The following MRPL45 variants were observed in gnomAD, a reference collection of about 807,000 sequenced individuals.
The protein encoded by MRPL45 is large ribosomal subunit protein mL45.
Under a neutral mutation model 38.1 loss-of-function variants are expected in MRPL45, and 20 were observed. The ratio of observed to expected loss-of-function variants is 0.53; its 90% CI spans 0.37 to 0.76. The LOEUF (loss-of-function observed/expected upper bound fraction) is 0.76. Ranked by LOEUF, MRPL45 falls within the 30% of genes least tolerant of loss-of-function variation. MRPL45 has a pLI of 0.00. For synonymous variants in MRPL45, 105 were observed against 128.8 expected (o/e 0.82, Z 1.25); for missense variants, 337 against 395.6 (o/e 0.85, Z 1.26).
At chr17:38,318,766 G>A in intron 5 of MRPL45, 31 bp downstream of exon 5, 1 of 1,503,826 alleles carries the variant, frequency 6.6e-7, no homozygotes, top group Non-Finnish European at 9.2e-7. Context: ...GAACTGTGGG[G>A]TGACTGAGTG....
chr17:38,304,111 C>T (rs1036067140), intron 3 of MRPL45, among the ~76,000 whole-genome samples: 10 of 152,146 alleles, frequency 6.6e-5, no homozygotes, highest in African/African-American at 2.4e-4. Context: ...TTTATTCTCC[C>T]ACTTCATTTA....
chr17:38,320,797 C>CT (rs1567719271), intron 6 of MRPL45, 30 bp downstream of exon 6: 54 of 1,610,902 alleles, frequency 3.4e-5, no homozygotes, highest in Non-Finnish European at 4.2e-5. Flanking sequence ...TTCCTCCCAG[C>CT]TTTTTTTCAC....
At chr17:38,312,156 C>T (rs1164435310) in intron 4 of MRPL45, among the ~76,000 whole-genome samples, 3 of 151,294 alleles carry the variant, frequency 2.0e-5, no homozygotes, top group African/African-American at 7.3e-5. Context: ...AAGCGATTCT[C>T]CAGCCTCAGC....
chr17:38,303,726 C>CTTCT (rs2037023459), intron 3 of MRPL45, among the ~76,000 whole-genome samples: 1 of 150,608 alleles, frequency 6.6e-6, no homozygotes, highest in Non-Finnish European at 1.5e-5. Flanking sequence ...TTGCCTCCGT[C>CTTCT]TTCTTTTCTT....
In MRPL45 at chr17:38,297,200, C is replaced by T; in HGVS notation, c.17C>T (p.Pro6Leu). 1.2e-6 allele frequency: 2 copies of T among 1,614,248 alleles called. No homozygotes were observed. The highest frequency in any genetic ancestry group is 1.7e-6 in the Non-Finnish European group (2 of 1,180,046). The change falls in exon 1 of 8, where the codon CCT (proline) becomes CTT (leucine). Residue 6 changes from proline to leucine, a missense_variant. Transcript: ENST00000613675. Reference protein sequence around the residue: MAAPIPQGFSCLSRFL... With the variant: MAAPILQGFSCLSRFL... The stretch of plus-strand genomic sequence containing the variant: ...GGGAACAAGATGGCAGCCCCCATAC[C>T]TCAAGGGTTCTCTTGTTTATCGAGG...
chr17:38,301,322 A>G lies in MRPL45; in HGVS notation c.362+1854A>G, dbSNP rs2036993224. Among the ~76,000 whole-genome samples, 3 of 151,588 alleles carry G rather than the reference A, an allele frequency of 2.0e-5. No individual in the cohort carries two copies. In the South Asian group the frequency reaches 6.3e-4, roughly 32 times the overall value. ...AGTGGTGCAATCTCGGCTCACCACAACCTCTGCCTTCTGGGTTGAAGCGAT... is the reference window on the plus strand; with the variant it reads ...AGTGGTGCAATCTCGGCTCACCACAGCCTCTGCCTTCTGGGTTGAAGCGAT... On this transcript the variant is annotated intron_variant, in intron 3 of 7. Transcript: ENST00000613675.
intron 4 of MRPL45, among the ~76,000 whole-genome samples, chr17:38,315,059 T>C (rs1177360818): frequency 2.0e-5 from 3 of 152,260 alleles, no homozygotes; most frequent in Non-Finnish European, 4.4e-5. Context: ...ATTTGCCTTT[T>C]AAATCATACA....
intron 4 of MRPL45, among the ~76,000 whole-genome samples, chr17:38,307,680 C>T (rs1009931841): frequency 1.3e-5 from 2 of 152,088 alleles, no homozygotes; most frequent in African/African-American, 2.4e-5. Flanking sequence ...AGTTAGGGCT[C>T]CTAGGAAGAT....
At chr17:38,315,809 G>A (rs983385276) in intron 4 of MRPL45, among the ~76,000 whole-genome samples, 1 of 144,024 alleles carries the variant, frequency 6.9e-6, no homozygotes, top group African/African-American at 2.6e-5. Flanking sequence ...CTTTACTCTT[G>A]TTTCCCAGGC....
At chr17:38,303,196 A>T (rs1310445230) in intron 3 of MRPL45, among the ~76,000 whole-genome samples, 1 of 143,482 alleles carries the variant, frequency 7.0e-6, no homozygotes, top group Non-Finnish European at 1.5e-5. Context: ...TGCATAATAT[A>T]TTTTTTTTTC....
intron 2 of MRPL45, among the ~76,000 whole-genome samples, chr17:38,298,911 T>C (rs1427673408): frequency 6.6e-6 from 1 of 152,136 alleles, no homozygotes. Flanking sequence ...TGTTTTGTTT[T>C]GTTTTTTGAG....
intron 3 of MRPL45, 124 bp downstream of exon 3, chr17:38,299,592 T>C (rs1012227002): frequency 1.5e-6 from 1 of 660,984 alleles, no homozygotes; most frequent in Non-Finnish European, 2.5e-6. Flanking sequence ...ATGATGGTAT[T>C]TTCTCCTTTG....
chr17:38,310,130 C>CTT (rs71135802), intron 4 of MRPL45, among the ~76,000 whole-genome samples: 9,185 of 122,190 alleles, frequency 0.075, 984 homozygotes, highest in African/African-American at 0.23. Flanking sequence ...TTAGAATTTT[C>CTT]TTTTTTTTTT....
chr17:38,299,696 G>A (rs2036972875), intron 3 of MRPL45, among the ~76,000 whole-genome samples: 5 of 151,138 alleles, frequency 3.3e-5, no homozygotes, highest in Admixed American at 3.3e-4. Context: ...CAGTTAGGGA[G>A]TTGACTTTGG....
rs779333433 is a variant in MRPL45, at chr17:38,320,678, C to G, written c.571C>G (p.Pro191Ala). Residue 191 changes from proline to alanine, a missense_variant, in exon 6 of 8, where the codon CCC becomes GCC. Physicochemically the swap from Pro to Ala is conservative, Grantham distance 27. This residue lies in a region of MRPL45 where 251 missense variants were observed against 269.1 expected (regional missense o/e 0.93). Coordinates refer to ENST00000613675, the MANE Select transcript of MRPL45 (RefSeq NM_032351.6). ...CTGGAGCTTTGTGGAATCTTTAGAG[C>G]CCTCTCATGTTGTTCAAGTTCGCTG... ...VRWSFVESLE[P>A]SHVVQVRCSS... 1 of 1,613,970 alleles carries G rather than the reference C, an allele frequency of 6.2e-7. No individual in the cohort carries two copies. The highest frequency in any genetic ancestry group is 1.1e-5 in the South Asian group (1 of 91,068).
Position 38,322,907 on chromosome 17 carries a change from G to T in MRPL45, c.*312G>T. On this transcript the variant is annotated 3_prime_UTR_variant, in exon 8 of 8. Coordinates refer to ENST00000613675, the MANE Select transcript of MRPL45 (RefSeq NM_032351.6). ...CAGCAGGGACTGTGAGAGACAACCAGCAGCATCCTCTTTGTAATCACAGGG... is the reference window on the plus strand; with the variant it reads ...CAGCAGGGACTGTGAGAGACAACCATCAGCATCCTCTTTGTAATCACAGGG... 1 of 289,716 alleles carries T rather than the reference G, an allele frequency of 3.5e-6. No homozygotes were observed. Among genetic ancestry groups the T allele is most frequent in the South Asian group, 6.2e-5 (1 of 16,090 alleles). 17.9% of individuals were successfully genotyped at this position (289,716 alleles called of 1,614,324 possible). A position where few individuals can be genotyped will look rare whatever the true frequency, so the allele number is the denominator to read the frequency against.
intron 6 of MRPL45, among the ~76,000 whole-genome samples, chr17:38,321,348 A>G (rs1011128173): frequency 1.3e-5 from 2 of 152,172 alleles, no homozygotes; most frequent in African/African-American, 4.8e-5. Flanking sequence ...TCAGTAGTTG[A>G]TCAGATAGTC....
chr17:38,322,033 A>G (rs550543274), intron 6 of MRPL45, 93 bp from the exon 7 acceptor site: 1,227 of 834,140 alleles, frequency 1.5e-3, no homozygotes, highest in Non-Finnish European at 1.9e-3. Flanking sequence ...CTCTGTCTCA[A>G]AAAAAAAAAA....
chr17:38,310,157 G>C (rs1002676669), intron 4 of MRPL45, among the ~76,000 whole-genome samples: 4 of 125,080 alleles, frequency 3.2e-5, no homozygotes, highest in African/African-American at 9.0e-5. Context: ...AGTGTGTCCA[G>C]ATCTCTGGTA....
Sources: allele counts gnomAD v4.1 joint callset (sites outside exome capture counted in the v4.1 genomes callset), GRCh38; gene constraint gnomAD v4.1.1; regional missense constraint gnomAD v4.1.1; transcripts MANE v1.5; gene names NCBI Gene and HGNC (gene_info 2026-07-23, HGNC 2026-07-21).